The following LRRTM3 variants were observed in gnomAD, a reference collection of about 807,000 sequenced individuals.
LRRTM3 encodes the protein leucine rich repeat transmembrane neuronal 3.
A neutral mutation model predicts 44.7 loss-of-function variants in LRRTM3; 24 were observed. That is an observed-to-expected ratio of 0.54 (90% CI 0.39 to 0.76). LRRTM3 has a LOEUF of 0.76. Ranked by LOEUF, LRRTM3 falls within the 30% of genes least tolerant of loss-of-function variation. The probability of loss-of-function intolerance (pLI) is 0.00; values close to 1 mark genes in which losing one functional copy is unlikely to be tolerated. For synonymous variants in LRRTM3, 277 were observed against 278.7 expected (o/e 0.99, Z 0.06); for missense variants, 587 against 702.2 (o/e 0.84, Z 1.85).
chr10:67,045,195 G>T (rs918392526), intron 2 of LRRTM3, among the ~76,000 whole-genome samples: 1 of 152,130 alleles, frequency 6.6e-6, no homozygotes, highest in Admixed American at 6.5e-5. Context: ...TCCCAGACTT[G>T]TAGTGGTATT....
At chr10:66,928,675 T>C (rs1925577) in intron 2 of LRRTM3, among the ~76,000 whole-genome samples, 52,981 of 152,056 alleles carry the variant, frequency 0.35, 10,134 homozygotes, top group Non-Finnish European at 0.43. Flanking sequence ...CCACAATCAA[T>C]GTGAAGCTTG....
chr10:67,007,736 C>T (rs1564827325), intron 2 of LRRTM3, among the ~76,000 whole-genome samples: 2 of 151,516 alleles, frequency 1.3e-5, no homozygotes, highest in African/African-American at 2.4e-5. Context: ...GGTTCTATTC[C>T]ATACTGAATA....
chr10:66,986,004 G>C (rs895895855), intron 2 of LRRTM3, among the ~76,000 whole-genome samples: 1 of 152,074 alleles, frequency 6.6e-6, no homozygotes, highest in African/African-American at 2.4e-5. Flanking sequence ...GGGATTACAG[G>C]CGTGAGCCAC....
intron 2 of LRRTM3, among the ~76,000 whole-genome samples, chr10:66,939,126 A>G (rs997896946): frequency 1.6e-4 from 25 of 152,136 alleles, no homozygotes; most frequent in African/African-American, 5.6e-4. Flanking sequence ...TAACTACTCT[A>G]CTGGAGGCCT....
chr10:67,005,687 T>TTTTGTTTGTTTGTTTG lies in LRRTM3; in HGVS notation c.1536+77238_1536+77239insGTTTGTTTGTTTGTTT, dbSNP rs1554895953. On this transcript the variant is annotated intron_variant, in intron 2 of 2. Transcript: ENST00000361320. ...TTTTGTTTATTTTACTCCATCTTTTTTTTTTTTTTTTTTTTTGAGACGGAG... is the reference window on the plus strand; with the variant it reads ...TTTTGTTTATTTTACTCCATCTTTTTTTTGTTTGTTTGTTTGTTTTTTTTTTTTTTTTGAGACGGAG... 8.4e-4 allele frequency among the ~76,000 whole-genome samples: 86 copies of TTTTGTTTGTTTGTTTG among 102,322 alleles called. 2 individuals are homozygous for TTTTGTTTGTTTGTTTG. Among genetic ancestry groups the TTTTGTTTGTTTGTTTG allele is most frequent in the African/African-American group, 2.6e-3 (83 of 32,448 alleles). The allele number at this position is 102,322 out of a possible 152,430, so 67.1% of individuals were successfully genotyped here.
At chr10:66,957,567 G>A (rs1302383552) in intron 2 of LRRTM3, among the ~76,000 whole-genome samples, 2 of 151,650 alleles carry the variant, frequency 1.3e-5, no homozygotes, top group East Asian at 3.9e-4. Context: ...CCCAGTCCCA[G>A]CACTGGTGCT....
chr10:67,074,105 G>A (rs1214191302), intron 2 of LRRTM3, among the ~76,000 whole-genome samples: 2 of 128,166 alleles, frequency 1.6e-5, no homozygotes, highest in Admixed American at 9.6e-5. Context: ...GCGCCATCTT[G>A]GCTCATTACA....
intron 2 of LRRTM3, among the ~76,000 whole-genome samples, chr10:67,024,534 G>C (rs879604858): frequency 1.3e-5 from 2 of 152,166 alleles, no homozygotes; most frequent in Admixed American, 1.3e-4. Context: ...CCTACCATAA[G>C]ACCACGTTAA....
chr10:66,977,638 G>T (rs1352666294), intron 2 of LRRTM3, among the ~76,000 whole-genome samples: 1 of 152,156 alleles, frequency 6.6e-6, no homozygotes, highest in Non-Finnish European at 1.5e-5. Flanking sequence ...CTCTAAATTT[G>T]TAGATGTAAG....
intron 2 of LRRTM3, among the ~76,000 whole-genome samples, chr10:67,051,643 A>T (rs1206771005): frequency 6.6e-6 from 1 of 151,712 alleles, no homozygotes; most frequent in Non-Finnish European, 1.5e-5. Context: ...TGACCTCATG[A>T]TCTGTCCACC....
intron 2 of LRRTM3, among the ~76,000 whole-genome samples, chr10:66,971,795 C>A (rs971119756): frequency 2.0e-5 from 3 of 152,050 alleles, no homozygotes; most frequent in African/African-American, 7.3e-5. Flanking sequence ...TTACAAGAGA[C>A]CCTGTCATCT....
At chr10:66,932,666 T>C (rs1847469209) in intron 2 of LRRTM3, among the ~76,000 whole-genome samples, 1 of 147,536 alleles carries the variant, frequency 6.8e-6, no homozygotes, top group Admixed American at 7.1e-5. Flanking sequence ...TGTTAAATAG[T>C]TTGTATCAAA....
At chr10:67,062,044 C>G (rs559486532) in intron 2 of LRRTM3, among the ~76,000 whole-genome samples, 2 of 152,052 alleles carry the variant, frequency 1.3e-5, no homozygotes, top group African/African-American at 4.8e-5. Flanking sequence ...CATTGAAGAA[C>G]AGATAGGAAG....
intron 2 of LRRTM3, among the ~76,000 whole-genome samples, chr10:67,093,687 T>A (rs1857801142): frequency 6.6e-6 from 1 of 151,922 alleles, no homozygotes; most frequent in Non-Finnish European, 1.5e-5. Context: ...AACAAAAGAT[T>A]GCTGAATTCA....
intron 2 of LRRTM3, among the ~76,000 whole-genome samples, chr10:67,025,678 A>C (rs1853326014): frequency 6.6e-6 from 1 of 152,196 alleles, no homozygotes; most frequent in Non-Finnish European, 1.5e-5. Context: ...TAAGTACTAT[A>C]TCATTACACA....
At chr10:66,981,919 A>C (rs1455910289) in intron 2 of LRRTM3, among the ~76,000 whole-genome samples, 1 of 152,176 alleles carries the variant, frequency 6.6e-6, no homozygotes, top group Admixed American at 6.5e-5. Context: ...GAGAAAATGA[A>C]ATCCACAGGA....
intron 2 of LRRTM3, among the ~76,000 whole-genome samples, chr10:67,054,331 A>C (rs1855293456): frequency 2.6e-5 from 4 of 152,206 alleles, no homozygotes; most frequent in Non-Finnish European, 4.4e-5. Context: ...ACAAAAGCAG[A>C]GATGTGACCT....
intron 2 of LRRTM3, among the ~76,000 whole-genome samples, chr10:66,936,321 A>T (rs769190201): frequency 3.3e-5 from 5 of 150,992 alleles, no homozygotes; most frequent in Non-Finnish European, 5.9e-5. Context: ...CTTAATGTTA[A>T]AAAAAAAATC....
chr10:67,085,899 G>A (rs1857283898), intron 2 of LRRTM3, among the ~76,000 whole-genome samples: 1 of 151,846 alleles, frequency 6.6e-6, no homozygotes, highest in South Asian at 2.1e-4. Flanking sequence ...AGACCAACCT[G>A]GCCAGCTTAA....
Sources: allele counts gnomAD v4.1 joint callset (sites outside exome capture counted in the v4.1 genomes callset), GRCh38; gene constraint gnomAD v4.1.1; transcripts MANE v1.5; gene names NCBI Gene and HGNC (gene_info 2026-07-23, HGNC 2026-07-21).